Variants in SPTY2D1 observed in about 807,000 individuals in gnomAD.
The protein encoded by SPTY2D1 is SPT2 chromatin protein domain containing 1.
Under a neutral mutation model 64.0 loss-of-function variants are expected in SPTY2D1, and 21 were observed. That is an observed-to-expected ratio of 0.33 (90% confidence interval 0.23 to 0.47). The LOEUF (loss-of-function observed/expected upper bound fraction) is 0.47. SPTY2D1 is among the 20% of genes least tolerant of loss of function. The probability of loss-of-function intolerance (pLI) is 1.00; values close to 1 mark genes in which losing one functional copy is unlikely to be tolerated. For missense variants in SPTY2D1, 724 were observed against 837.2 expected (o/e 0.86, Z 1.67); for synonymous variants, 287 against 286.8 (o/e 1.00, Z -0.01).
At chr11:18,617,453 C>T (rs961243043) in intron 1 of SPTY2D1, among the ~76,000 whole-genome samples, 10 of 151,826 alleles carry the variant, frequency 6.6e-5, no homozygotes, top group African/African-American at 1.9e-4. Context: ...GGTGAAACCC[C>T]ATTCCTACTA....
chr11:18,629,299 G>A lies in SPTY2D1; in HGVS notation c.60+4899C>T, dbSNP rs1854548158. Among the ~76,000 whole-genome samples, 3 of 144,704 alleles carry A rather than the reference G, an allele frequency of 2.1e-5. 1 individual carries two copies. The highest frequency in any genetic ancestry group is 7.7e-5 in the African/African-American group (3 of 38,986). The allele number at this position is 144,704 out of a possible 152,430, so 94.9% of individuals were successfully genotyped here. On this transcript the variant is annotated intron_variant, in intron 1 of 5. Transcript: ENST00000336349. ...GCAGATCACTTGAGGCCAGGAGTTCGAGACCAGCCTGGCCAACATGGTGAA... is the reference window on the plus strand; with the variant it reads ...GCAGATCACTTGAGGCCAGGAGTTCAAGACCAGCCTGGCCAACATGGTGAA...
At position 18,620,841 on chromosome 11, in the gene SPTY2D1, C is replaced by A. The variant is rs7936716; in HGVS notation, c.61-3852G>T. Among the ~76,000 whole-genome samples, 3 of 145,546 alleles carry A rather than the reference C, an allele frequency of 2.1e-5. No homozygotes were observed. The East Asian group carries it at 6.2e-4, about 30-fold the overall frequency. ...GGCGGAGCTTGCAGTGAGCCGAGAT[C>A]GCGCCACTGCACTCCAGCCTGGGCA... On this transcript the variant is annotated intron_variant, in intron 1 of 5. Coordinates refer to ENST00000336349, the MANE Select transcript of SPTY2D1 (RefSeq NM_194285.3).
In SPTY2D1 at chr11:18,615,677, T is replaced by G; in HGVS notation, c.597A>C (p.Ala199=). Residue 199 remains alanine (A), a synonymous_variant, in exon 3 of 6, where the codon GCA becomes GCC. Coordinates refer to ENST00000336349, the MANE Select transcript of SPTY2D1 (RefSeq NM_194285.3). The part of the protein sequence containing the change: ...VKKSEERPMT[A]EELREREFLE... The stretch of plus-strand genomic sequence containing the variant: ...GGAATTCTCGCTCCCTAAGTTCTTC[T>G]GCGGTCATAGGTCGCTCTTCTGATT... 1 of 1,614,238 alleles carries G rather than the reference T, an allele frequency of 6.2e-7. No homozygotes were observed. The highest frequency in any genetic ancestry group is 2.2e-5 in the East Asian group (1 of 44,882).
intron 1 of SPTY2D1, among the ~76,000 whole-genome samples, chr11:18,624,570 G>A (rs1006580651): frequency 1.3e-5 from 2 of 152,184 alleles, no homozygotes; most frequent in African/African-American, 4.8e-5. Context: ...AAGAGCTTTA[G>A]AAAATATTAA....
rs867241004 is a variant in SPTY2D1, at chr11:18,631,562, A to G, written c.60+2636T>C. Among the ~76,000 whole-genome samples the G allele has an allele frequency of 1.1e-4, 16 of 147,348 alleles. No homozygotes were observed. The Middle Eastern group carries it at 0.01, about 97-fold the overall frequency. ...ACAGAGACTCCATCTCAAAAAAAAGAAAAGAAAAGAAAAAGCTTTATTTCT... is the reference window on the plus strand; with the variant it reads ...ACAGAGACTCCATCTCAAAAAAAAGGAAAGAAAAGAAAAAGCTTTATTTCT... On this transcript the variant is annotated intron_variant, in intron 1 of 5. Coordinates refer to ENST00000336349, the MANE Select transcript of SPTY2D1 (RefSeq NM_194285.3).
chr11:18,619,422 C>A (rs1854354480), intron 1 of SPTY2D1, among the ~76,000 whole-genome samples: 2 of 149,164 alleles, frequency 1.3e-5, no homozygotes, highest in South Asian at 4.3e-4. Flanking sequence ...AGTTAAGACG[C>A]CAGCCTGGAC....
At chr11:18,616,271 TG>T (rs1854299111) in intron 2 of SPTY2D1, among the ~76,000 whole-genome samples, 173 bp from the exon 3 acceptor site, 1 of 152,194 alleles carries the variant, frequency 6.6e-6, no homozygotes, top group Non-Finnish European at 1.5e-5. Flanking sequence ...GGGAGACATA[TG>T]GGTTTTTCTA....
chr11:18,629,079 C>T (rs1176127633), intron 1 of SPTY2D1, among the ~76,000 whole-genome samples: 2 of 152,154 alleles, frequency 1.3e-5, no homozygotes, highest in African/African-American at 4.8e-5. Context: ...TGAAGGTTTG[C>T]CCTTTACCTT....
At position 18,612,377 on chromosome 11, in the gene SPTY2D1, T is replaced by A; in HGVS notation, c.1823A>T (p.Glu608Val). 1.2e-6 allele frequency: 2 copies of A among 1,611,866 alleles called. No homozygotes were observed. Among genetic ancestry groups the A allele is most frequent in the East Asian group, 2.2e-5 (1 of 44,770 alleles). ...GGATATTTCTTCCTGAGGCTCTCCTTCATCTTCAATAAAATCTTCCATTTC... is the reference window on the plus strand; with the variant it reads ...GGATATTTCTTCCTGAGGCTCTCCTACATCTTCAATAAAATCTTCCATTTC... ...DSEMEDFIED[E>V]GEPQEEISKH... The change falls in exon 4 of 6, where the codon GAA (glutamate) becomes GTA (valine). Residue 608 changes from glutamate (E) to valine (V), a missense_variant. Physicochemically the swap from Glu to Val is moderately radical, Grantham distance 121. Transcript: ENST00000336349. The surrounding 1 kb of genome is among the most constrained non-coding windows in gnomAD (Gnocchi z 4.6).
intron 1 of SPTY2D1, among the ~76,000 whole-genome samples, chr11:18,619,336 T>G (rs1854352334): frequency 6.6e-6 from 1 of 151,802 alleles, no homozygotes; most frequent in Non-Finnish European, 1.5e-5. Flanking sequence ...AAGATTTTCC[T>G]GGCCAGGCGC....
At chr11:18,613,943 A>G (rs987384823) in intron 3 of SPTY2D1, among the ~76,000 whole-genome samples, 2 of 152,214 alleles carry the variant, frequency 1.3e-5, no homozygotes, top group African/African-American at 4.8e-5. Flanking sequence ...ATCCTTGAAG[A>G]CAGGTCTCTT....
At chr11:18,616,517 G>T (rs1222280699) in intron 2 of SPTY2D1, among the ~76,000 whole-genome samples, 2 of 152,084 alleles carry the variant, frequency 1.3e-5, no homozygotes, top group African/African-American at 4.8e-5. Context: ...ATAGCATTCT[G>T]TTAATAAAAA....
rs572241821 is a variant in SPTY2D1, at chr11:18,616,611, A to G, written c.175+264T>C. Among the ~76,000 whole-genome samples, 8 of 152,346 alleles carry G rather than the reference A, an allele frequency of 5.3e-5. No homozygotes were observed. The East Asian group carries it at 1.5e-3, about 29-fold the overall frequency. ...TCTTACTGGGGACTTACTATGGCCA[A>G]TTAGAAGACATGGCTACTAACCCCC... On this transcript the variant is annotated intron_variant, in intron 2 of 5. Transcript: ENST00000336349.
chr11:18,622,101 A>AAAAAAAAC lies in SPTY2D1; in HGVS notation c.61-5113_61-5112insGTTTTTTT, dbSNP rs71050618. 2.5e-5 allele frequency among the ~76,000 whole-genome samples: 2 copies of AAAAAAAAC among 81,282 alleles called. 1 individual carries two copies. Among genetic ancestry groups the AAAAAAAAC allele is most frequent in the Non-Finnish European group, 5.7e-5 (2 of 34,844 alleles). 53.3% of individuals were successfully genotyped at this position (81,282 alleles called of 152,430 possible). ...GACCCTATCTCAAAAAAAAAAAAAA[A>AAAAAAAAC]AAACCAAAACCAAAACCAAAAAAAC... On this transcript the variant is annotated intron_variant, in intron 1 of 5. Transcript: ENST00000336349.
intron 5 of SPTY2D1, among the ~76,000 whole-genome samples, chr11:18,610,690 A>AAC (rs1854191154): frequency 7.1e-6 from 1 of 140,012 alleles, no homozygotes; most frequent in African/African-American, 2.6e-5. Context: ...AAAAAAAAAC[A>AAC]ACAATACTAT....
At chr11:18,627,621 G>A (rs1208174868) in intron 1 of SPTY2D1, among the ~76,000 whole-genome samples, 3 of 151,982 alleles carry the variant, frequency 2.0e-5, no homozygotes, top group African/African-American at 7.3e-5. Context: ...GCTCACGCCT[G>A]TAATTCCACC....
At chr11:18,625,759 G>C (rs373571638) in intron 1 of SPTY2D1, among the ~76,000 whole-genome samples, 1 of 149,518 alleles carries the variant, frequency 6.7e-6, no homozygotes, top group East Asian at 1.9e-4. Flanking sequence ...TAGAGATTGG[G>C]GGGGGGGTCT....
At chr11:18,630,433 C>A (rs1854570048) in intron 1 of SPTY2D1, among the ~76,000 whole-genome samples, 3 of 152,202 alleles carry the variant, frequency 2.0e-5, no homozygotes, top group Admixed American at 2.0e-4. Context: ...AGAGATAGCG[C>A]CACTGCACTC....
intron 1 of SPTY2D1, among the ~76,000 whole-genome samples, chr11:18,631,121 G>A (rs148004480): frequency 1.3e-5 from 2 of 152,352 alleles, no homozygotes; most frequent in East Asian, 1.9e-4. Context: ...TTAAAGGTGT[G>A]AGCCACAGCA....
Sources: allele counts gnomAD v4.1 joint callset (sites outside exome capture counted in the v4.1 genomes callset), GRCh38; gene constraint gnomAD v4.1.1; non-coding constraint Gnocchi (gnomAD v3.1); transcripts MANE v1.5; gene names NCBI Gene and HGNC (gene_info 2026-07-23, HGNC 2026-07-21).